DENND2B: variants seen among roughly 807,000 people sequenced by gnomAD.
DENND2B encodes the protein DENN domain-containing protein 2B.
In DENND2B, 32 loss-of-function variants were observed where a neutral mutation model predicts 116.0. The ratio of observed to expected loss-of-function variants is 0.28; its 90% CI spans 0.21 to 0.37. The LOEUF (loss-of-function observed/expected upper bound fraction) is 0.37. Among genes scored for constraint, DENND2B ranks in the 10% least tolerant of loss-of-function variants. The pLI, the probability that DENND2B is intolerant of heterozygous loss-of-function variation, is 1.00. For synonymous variants in DENND2B, 588 were observed against 583.9 expected (o/e 1.01, Z -0.10); for missense variants, 1,276 against 1,477.7 (o/e 0.86, Z 2.24).
intron 17 of DENND2B, 35 bp downstream of exon 17, chr11:8,697,490 G>A: frequency 6.4e-7 from 1 of 1,551,048 alleles, no homozygotes; most frequent in South Asian, 1.1e-5. Context: ...AGGGAGCCTG[G>A]AGCAGAGCTG....
intron 1 of DENND2B, among the ~76,000 whole-genome samples, chr11:8,769,659 C>T (rs977813072): frequency 4.6e-5 from 7 of 152,146 alleles, no homozygotes; most frequent in African/African-American, 1.2e-4. Context: ...GCTGTGCCTC[C>T]GCTCTGAGCC....
At chr11:8,790,045 T>C (rs1163437357) in intron 1 of DENND2B, among the ~76,000 whole-genome samples, 2 of 152,182 alleles carry the variant, frequency 1.3e-5, no homozygotes, top group Non-Finnish European at 1.5e-5. Flanking sequence ...CTCCTCAATC[T>C]ACCCTGCCAA....
rs770361207 is a variant in DENND2B, at chr11:8,696,638, C to T, written c.3081G>A (p.Ser1027=). 12 of 1,614,140 alleles carry T rather than the reference C, an allele frequency of 7.4e-6. No homozygotes were observed. The highest frequency in any genetic ancestry group is 3.3e-4 in the Middle Eastern group (2 of 6,062). Residue 1027 remains serine (S), a synonymous_variant, in exon 18 of 20, where the codon TCG becomes TCA. Coordinates refer to ENST00000313726, the MANE Select transcript of DENND2B (RefSeq NM_213618.2). ...DECNTLNGLV[S]EVFIRFFVET... The stretch of plus-strand genomic sequence containing the variant: ...CCACAAAGAACCGGATAAACACCTC[C>T]GACACCAGCCCATTGAGGGTATTAC...
intron 1 of DENND2B, among the ~76,000 whole-genome samples, chr11:8,796,667 C>T (rs559853402): frequency 9.8e-5 from 15 of 152,290 alleles, no homozygotes; most frequent in South Asian, 2.1e-4. Flanking sequence ...GAGATCTGTA[C>T]GCTAGGAAAT....
chr11:8,760,441 G>A (rs1004246432), intron 1 of DENND2B, among the ~76,000 whole-genome samples: 1 of 152,148 alleles, frequency 6.6e-6, no homozygotes, highest in African/African-American at 2.4e-5. Context: ...AACAGAGCGA[G>A]ACCCTGTCTT....
intron 4 of DENND2B, among the ~76,000 whole-genome samples, chr11:8,818,749 A>C (rs1280554278): frequency 6.6e-6 from 1 of 152,224 alleles, no homozygotes; most frequent in Non-Finnish European, 1.5e-5. Context: ...ATTCTAGCTT[A>C]GGGCTGTGTA....
chr11:8,821,059 GCA>G (rs1397954654), intron 4 of DENND2B, among the ~76,000 whole-genome samples: 2 of 151,268 alleles, frequency 1.3e-5, no homozygotes, highest in Admixed American at 1.3e-4. Flanking sequence ...GGCAGAGGTT[GCA>G]GTGAGCTGAG....
intron 1 of DENND2B, among the ~76,000 whole-genome samples, chr11:8,793,756 T>C (rs1287400412): frequency 6.6e-6 from 1 of 152,150 alleles, no homozygotes; most frequent in Non-Finnish European, 1.5e-5. Context: ...CATATGGCAA[T>C]TTGGGGCTTT....
chr11:8,778,284 T>A lies in DENND2B; in HGVS notation c.-25-27559A>T, dbSNP rs1271594773. On this transcript the variant is annotated intron_variant, in intron 1 of 19. Coordinates refer to ENST00000313726, the MANE Select transcript of DENND2B (RefSeq NM_213618.2). ...GCCTGTGGCATCCAGACAGTATCAC[T>A]TCCTACTTGACTGCTTTCAGGGGGC... 5.3e-5 allele frequency among the ~76,000 whole-genome samples: 8 copies of A among 152,168 alleles called. No individual in the cohort carries two copies. The East Asian group carries it at 1.3e-3, about 26-fold the overall frequency.
At chr11:8,890,917 G>A (rs1201018454) in intron 1 of DENND2B, among the ~76,000 whole-genome samples, 3 of 152,094 alleles carry the variant, frequency 2.0e-5, no homozygotes, top group Non-Finnish European at 4.4e-5. Context: ...CTCGAGAAGA[G>A]CAACTCCAAG....
chr11:8,893,129 A>C (rs1412922425), intron 1 of DENND2B, among the ~76,000 whole-genome samples: 1 of 152,246 alleles, frequency 6.6e-6, no homozygotes, highest in Non-Finnish European at 1.5e-5. Flanking sequence ...GCATATAAAC[A>C]GAACCAAAGA....
chr11:8,848,237 G>T (rs1468164199), intron 3 of DENND2B, among the ~76,000 whole-genome samples: 1 of 152,182 alleles, frequency 6.6e-6, no homozygotes, highest in African/African-American at 2.4e-5. Context: ...ATCTCTTAGA[G>T]CTTTGATCAT....
intron 11 of DENND2B, among the ~76,000 whole-genome samples, chr11:8,708,813 T>C (rs1006679172): frequency 2.0e-5 from 3 of 152,084 alleles, no homozygotes; most frequent in Non-Finnish European, 4.4e-5. Context: ...TAGCCGGTCA[T>C]AGTGGCATGC....
rs905064556 is a variant in DENND2B, at chr11:8,695,652, A to G, written c.3293-103T>C. On this transcript the variant is annotated intron_variant, in intron 18 of 19. Transcript: ENST00000313726. ...TGGAGCACAGATGCCAAAAAAGGAGAAAGAAAACATCTGGGATGATAATTT... is the reference window on the plus strand; with the variant it reads ...TGGAGCACAGATGCCAAAAAAGGAGGAAGAAAACATCTGGGATGATAATTT... The G allele has an allele frequency of 3.1e-6, 3 of 960,824 alleles. No homozygotes were observed. In the African/African-American group the frequency reaches 4.9e-5, roughly 16 times the overall value. The allele number at this position is 960,824 out of a possible 1,614,324, so 59.5% of individuals were successfully genotyped here.
chr11:8,869,003 C>T (rs2063681658), intron 2 of DENND2B, among the ~76,000 whole-genome samples: 1 of 152,220 alleles, frequency 6.6e-6, no homozygotes, highest in Non-Finnish European at 1.5e-5. Flanking sequence ...ATTTTAAGCT[C>T]ATCAGCTATC....
chr11:8,811,695 G>T (rs1463093855), upstream of DENND2B: 1 of 183,266 alleles, frequency 5.5e-6, no homozygotes, highest in Non-Finnish European at 1.1e-5. Context: ...ACACTGCACA[G>T]ATATTTTTAT....
chr11:8,848,046 T>C (rs1397873003), intron 3 of DENND2B, among the ~76,000 whole-genome samples: 2 of 152,220 alleles, frequency 1.3e-5, no homozygotes, highest in South Asian at 4.1e-4. Flanking sequence ...GACATTCTCA[T>C]ATTTTTAAGC....
intron 4 of DENND2B, among the ~76,000 whole-genome samples, chr11:8,825,597 A>G (rs1159158979): frequency 2.0e-5 from 3 of 152,170 alleles, no homozygotes; most frequent in East Asian, 1.9e-4. Flanking sequence ...ATAAGACACA[A>G]TTATCAAATA....
intron 13 of DENND2B, among the ~76,000 whole-genome samples, chr11:8,705,239 AT>A (rs1228039258): frequency 2.6e-5 from 4 of 152,034 alleles, no homozygotes; most frequent in Admixed American, 2.0e-4. Flanking sequence ...CCACATTTCA[AT>A]TGCTGCCCTC....
Sources: allele counts gnomAD v4.1 joint callset (sites outside exome capture counted in the v4.1 genomes callset), GRCh38; gene constraint gnomAD v4.1.1; transcripts MANE v1.5; gene names NCBI Gene and HGNC (gene_info 2026-07-23, HGNC 2026-07-21).